MDGA2: variants seen among roughly 807,000 people sequenced by gnomAD.
MDGA2 encodes MAM domain containing glycosylphosphatidylinositol anchor 2.
MDGA2 carries 40 observed loss-of-function variants against 117.8 expected under a neutral mutation model. That is an observed-to-expected ratio of 0.34 (90% confidence interval 0.26 to 0.44). The LOEUF is 0.44. Ranked by LOEUF, MDGA2 falls within the 20% of genes least tolerant of loss-of-function variation. The pLI is 1.00. For missense variants in MDGA2, 1,123 were observed against 1,250.6 expected (o/e 0.90, Z 1.54); for synonymous variants, 452 against 439.0 (o/e 1.03, Z -0.37).
At chr14:47,613,499 ACACACACGCACACG>A (rs1896892279) in intron 1 of MDGA2, among the ~76,000 whole-genome samples, 2 of 151,730 alleles carry the variant, frequency 1.3e-5, no homozygotes, top group African/African-American at 4.8e-5. Context: ...ACACACACAC[ACACACACGCACACG>A]CACACCCACC....
In MDGA2 at chr14:47,629,348, T is replaced by G. The variant is rs145036907; in HGVS notation, c.280+45169A>C. Among the ~76,000 whole-genome samples, 926 of 152,314 alleles carry G rather than the reference T, an allele frequency of 6.1e-3. 12 individuals are homozygous for G. The highest frequency in any genetic ancestry group is 0.021 in the African/African-American group (874 of 41,568). On this transcript the variant is annotated intron_variant, in intron 1 of 16. Coordinates refer to ENST00000399232, the MANE Select transcript of MDGA2 (RefSeq NM_001113498.3). ...AGATATATTGGTATTATTGTTCTGG[T>G]TTTTAAAAATTTATTAACTATTATG...
At chr14:47,127,432 C>G (rs1881962035) in intron 5 of MDGA2, among the ~76,000 whole-genome samples, 1 of 152,072 alleles carries the variant, frequency 6.6e-6, no homozygotes, top group Non-Finnish European at 1.5e-5. Context: ...TTCACAAACC[C>G]TTCCAACTAT....
intron 1 of MDGA2, among the ~76,000 whole-genome samples, chr14:47,473,291 T>A (rs1406528303): frequency 1.3e-5 from 2 of 152,106 alleles, no homozygotes; most frequent in African/African-American, 4.8e-5. Context: ...TCCCTCCAAG[T>A]CACAGAGTAT....
chr14:46,916,154 C>G (rs910812631), intron 10 of MDGA2, among the ~76,000 whole-genome samples: 2 of 152,116 alleles, frequency 1.3e-5, no homozygotes, highest in African/African-American at 4.8e-5. Flanking sequence ...GTTAACACTG[C>G]CCTGTCTGGT....
intron 6 of MDGA2, among the ~76,000 whole-genome samples, chr14:47,080,638 T>C (rs1299144955): frequency 6.6e-6 from 1 of 152,182 alleles, no homozygotes; most frequent in African/African-American, 2.4e-5. Context: ...GCCTTTTACT[T>C]CACTAAAACA....
chr14:47,520,363 A>T (rs995632487), intron 1 of MDGA2, among the ~76,000 whole-genome samples: 11 of 152,178 alleles, frequency 7.2e-5, no homozygotes, highest in Non-Finnish European at 1.6e-4. Flanking sequence ...AAACACTGAA[A>T]ATGATCATCC....
At chr14:46,982,455 A>G (rs1886709777) in intron 8 of MDGA2, among the ~76,000 whole-genome samples, 1 of 152,000 alleles carries the variant, frequency 6.6e-6, no homozygotes, top group African/African-American at 2.4e-5. Flanking sequence ...TCATGCCTGT[A>G]ATCCCAGTAC....
intron 10 of MDGA2, among the ~76,000 whole-genome samples, chr14:46,901,346 A>T (rs1462488306): frequency 2.0e-5 from 3 of 152,184 alleles, no homozygotes; most frequent in African/African-American, 7.2e-5. Flanking sequence ...TAATAAAATT[A>T]AAAAGAGTAT....
intron 1 of MDGA2, among the ~76,000 whole-genome samples, chr14:47,492,858 T>A (rs897836022): frequency 5.3e-5 from 8 of 152,114 alleles, no homozygotes; most frequent in Non-Finnish European, 8.8e-5. Flanking sequence ...ATATATACAG[T>A]CTTTTGGTTC....
chr14:47,339,138 T>C (rs1410643216), intron 1 of MDGA2, among the ~76,000 whole-genome samples: 1 of 152,090 alleles, frequency 6.6e-6, no homozygotes, highest in Non-Finnish European at 1.5e-5. Flanking sequence ...TTTATAATCA[T>C]ATACTCTTCA....
chr14:47,197,819 G>C (rs542407066), intron 3 of MDGA2, among the ~76,000 whole-genome samples: 1 of 152,242 alleles, frequency 6.6e-6, no homozygotes, highest in South Asian at 2.1e-4. Flanking sequence ...TGAGGCAGGA[G>C]AATCATGTGA....
At chr14:47,240,573 G>A (rs981312163) in intron 2 of MDGA2, among the ~76,000 whole-genome samples, 2 of 151,724 alleles carry the variant, frequency 1.3e-5, no homozygotes, top group Non-Finnish European at 1.5e-5. Context: ...GGTACAAATT[G>A]GAAATGAAAA....
intron 3 of MDGA2, among the ~76,000 whole-genome samples, chr14:47,146,414 T>C (rs2139210849): frequency 6.6e-6 from 1 of 152,326 alleles, no homozygotes; most frequent in Non-Finnish European, 1.5e-5. Context: ...AAATTCATTC[T>C]ATTAGCTGTG....
intron 10 of MDGA2, among the ~76,000 whole-genome samples, chr14:46,899,563 TG>T (rs555160409): frequency 2.1e-4 from 31 of 151,146 alleles, no homozygotes; most frequent in Non-Finnish European, 3.2e-4. Flanking sequence ...ACCAAGAATA[TG>T]GGGCTCACAG....
At chr14:47,610,741 G>C (rs891612417) in intron 1 of MDGA2, among the ~76,000 whole-genome samples, 15 of 151,894 alleles carry the variant, frequency 9.9e-5, no homozygotes, top group Admixed American at 2.6e-4. Flanking sequence ...TCAATATTGT[G>C]AAGGACGGGG....
At chr14:47,621,022 ATTAC>A (rs772485303) in intron 1 of MDGA2, among the ~76,000 whole-genome samples, 2 of 152,162 alleles carry the variant, frequency 1.3e-5, no homozygotes, top group Admixed American at 6.5e-5. Flanking sequence ...ATATTTGGAG[ATTAC>A]TTAAACAGAG....
intron 1 of MDGA2, among the ~76,000 whole-genome samples, chr14:47,430,577 G>C (rs755702987): frequency 3.9e-5 from 6 of 151,916 alleles, no homozygotes; most frequent in Non-Finnish European, 7.4e-5. Context: ...ACAAAAAAAG[G>C]GGTACCATTA....
At chr14:47,406,164 G>T (rs918206791) in intron 1 of MDGA2, among the ~76,000 whole-genome samples, 1 of 151,950 alleles carries the variant, frequency 6.6e-6, no homozygotes, top group Non-Finnish European at 1.5e-5. Flanking sequence ...TGGTAGACGT[G>T]CAAATTAGAT....
Position 47,203,218 on chromosome 14 carries a change from C to T in MDGA2, c.595+14803G>A, listed in dbSNP as rs2139450495. Among the ~76,000 whole-genome samples, 2 of 152,054 alleles carry T rather than the reference C, an allele frequency of 1.3e-5. 1 individual carries two copies. The highest frequency in any genetic ancestry group is 4.2e-4 in the South Asian group (2 of 4,812). On this transcript the variant is annotated intron_variant, in intron 3 of 16. Coordinates refer to ENST00000399232, the MANE Select transcript of MDGA2 (RefSeq NM_001113498.3). The stretch of plus-strand genomic sequence containing the variant: ...GGCACTAGTTTCCCCAAAGAGATCA[C>T]TCTTTAAAAATACATTTATAGGTGT...
Sources: gnomAD v4.1 joint callset for allele counts (sites outside exome capture counted in the v4.1 genomes callset) on GRCh38, gnomAD v4.1.1 for gene constraint, MANE v1.5 for transcripts, NCBI Gene and HGNC (gene_info 2026-07-23, HGNC 2026-07-21) for gene names.